Variants in TENM3 observed in about 807,000 individuals in gnomAD.
The protein encoded by TENM3 is teneurin transmembrane protein 3, also known as teneurin-3.
TENM3 carries 63 observed loss-of-function variants against 255.1 expected under a neutral mutation model. The observed-to-expected ratio is 0.25, with a 90% CI of 0.20 to 0.30. The LOEUF (loss-of-function observed/expected upper bound fraction) is 0.30. Ranked by LOEUF, TENM3 falls within the 10% of genes least tolerant of loss-of-function variation. TENM3 has a pLI of 1.00. For missense variants in TENM3, 2,929 were observed against 3,461.1 expected (o/e 0.85, Z 3.86); for synonymous variants, 1,306 against 1,322.3 (o/e 0.99, Z 0.27).
At chr4:181,475,215 G>T in the TENM3 span, among the ~76,000 whole-genome samples, 2 of 152,206 alleles carry the variant, frequency 1.3e-5, no homozygotes, top group South Asian at 4.1e-4. Flanking sequence ...CAGAAATTTT[G>T]TTTGGTGTCT....
intron 3 of TENM3, among the ~76,000 whole-genome samples, chr4:182,489,847 T>TTCCC (rs1580724864): frequency 2.0e-4 from 9 of 45,394 alleles, no homozygotes; most frequent in South Asian, 5.5e-4. Context: ...TCCTCCCTCC[T>TTCCC]TCCTTTTCTT....
the TENM3 span, among the ~76,000 whole-genome samples, chr4:181,779,831 C>G: frequency 6.6e-6 from 1 of 152,114 alleles, no homozygotes; most frequent in Non-Finnish European, 1.5e-5. Flanking sequence ...TGTTCCCCTT[C>G]CTGTGTCCAA....
intron 4 of TENM3, among the ~76,000 whole-genome samples, chr4:182,616,624 T>TTCTGCAGA (rs1163566308): frequency 1.3e-5 from 2 of 151,264 alleles, no homozygotes; most frequent in Admixed American, 6.6e-5. Flanking sequence ...TTTTGCAAGT[T>TTCTGCAGA]TCTGCAGATG....
chr4:181,558,573 T>C, the TENM3 span, among the ~76,000 whole-genome samples: 1 of 152,328 alleles, frequency 6.6e-6, no homozygotes, highest in Admixed American at 6.5e-5. Context: ...TCAGTCCAAA[T>C]GGATGCATTT....
intron 4 of TENM3, among the ~76,000 whole-genome samples, chr4:182,612,224 AT>A (rs1435226875): frequency 1.3e-5 from 2 of 150,646 alleles, no homozygotes; most frequent in Admixed American, 6.7e-5. Flanking sequence ...ATGAGCCAAG[AT>A]TGCACCACTG....
At chr4:182,505,742 C>G (rs985770383) in intron 3 of TENM3, among the ~76,000 whole-genome samples, 6 of 152,152 alleles carry the variant, frequency 3.9e-5, no homozygotes, top group Non-Finnish European at 7.3e-5. Context: ...AGGCGTGAGC[C>G]ACCACACCCG....
the TENM3 span, among the ~76,000 whole-genome samples, chr4:181,689,557 G>C: frequency 6.6e-6 from 1 of 152,142 alleles, no homozygotes; most frequent in Non-Finnish European, 1.5e-5. Context: ...GTTGCGGGGA[G>C]CAGATGGAGT....
At chr4:181,593,918 A>C in the TENM3 span, among the ~76,000 whole-genome samples, 1 of 151,984 alleles carries the variant, frequency 6.6e-6, no homozygotes, top group Non-Finnish European at 1.5e-5. Flanking sequence ...GTTAATTATG[A>C]TCTAGGCATG....
intron 3 of TENM3, among the ~76,000 whole-genome samples, chr4:182,588,542 G>A (rs752926455): frequency 7.9e-5 from 12 of 152,096 alleles, no homozygotes; most frequent in African/African-American, 1.2e-4. Context: ...AAGGTAATAA[G>A]GGGAGAGAAA....
the TENM3 span, among the ~76,000 whole-genome samples, chr4:181,529,744 G>T: frequency 6.6e-6 from 1 of 152,188 alleles, no homozygotes. Flanking sequence ...GTGGCCAGGG[G>T]CAAACATTCG....
chr4:182,575,493 A>G (rs955010884), intron 3 of TENM3, among the ~76,000 whole-genome samples: 6 of 152,214 alleles, frequency 3.9e-5, no homozygotes, highest in African/African-American at 1.4e-4. Flanking sequence ...ATGGCAGCAG[A>G]CGATAGTTTG....
At chr4:181,815,600 C>G in the TENM3 span, among the ~76,000 whole-genome samples, 1 of 151,952 alleles carries the variant, frequency 6.6e-6, no homozygotes, top group Non-Finnish European at 1.5e-5. Flanking sequence ...AAAATACAGT[C>G]CACATCTCCT....
chr4:182,127,545 A>G, the TENM3 span, among the ~76,000 whole-genome samples: 1 of 152,180 alleles, frequency 6.6e-6, no homozygotes, highest in Non-Finnish European at 1.5e-5. Context: ...CCTGTATATC[A>G]CTGTTCTCAT....
At chr4:182,772,772 CAAAT>C (rs1315635383) in intron 22 of TENM3, among the ~76,000 whole-genome samples, 2 of 150,552 alleles carry the variant, frequency 1.3e-5, no homozygotes, top group African/African-American at 2.5e-5. Context: ...AAAAAAAAAA[CAAAT>C]AATCATTAAA....
At chr4:181,540,104 C>T in the TENM3 span, among the ~76,000 whole-genome samples, 168 of 152,024 alleles carry the variant, frequency 1.1e-3, no homozygotes, top group African/African-American at 3.7e-3. Context: ...ACAGAATAGA[C>T]GCCATGATGA....
At chr4:181,805,293 AC>A in the TENM3 span, among the ~76,000 whole-genome samples, 1 of 151,828 alleles carries the variant, frequency 6.6e-6, no homozygotes, top group Non-Finnish European at 1.5e-5. Context: ...CTCCCCTGTG[AC>A]CCGTCCACGT....
chr4:182,714,009 A>G, intron 12 of TENM3, 78 bp from the exon 13 acceptor site: 1 of 1,219,940 alleles, frequency 8.2e-7, no homozygotes, highest in South Asian at 1.3e-5. Flanking sequence ...GTTCCCACTA[A>G]GTGTCCCTTA....
chr4:181,601,684 T>C, the TENM3 span, among the ~76,000 whole-genome samples: 1 of 152,216 alleles, frequency 6.6e-6, no homozygotes, highest in African/African-American at 2.4e-5. Flanking sequence ...TTTCACTTTA[T>C]AAAAATGTTA....
the TENM3 span, among the ~76,000 whole-genome samples, chr4:182,004,318 T>C: frequency 6.6e-6 from 1 of 152,080 alleles, no homozygotes; most frequent in Non-Finnish European, 1.5e-5. Context: ...ACATGCGGTG[T>C]TTGGTTTTCT....
Sources: gnomAD v4.1 joint callset for allele counts (sites outside exome capture counted in the v4.1 genomes callset) on GRCh38, gnomAD v4.1.1 for gene constraint, MANE v1.5 for transcripts, NCBI Gene and HGNC (gene_info 2026-07-23, HGNC 2026-07-21) for gene names.